Variants in TENM2 observed in about 807,000 individuals in gnomAD.
TENM2 encodes teneurin transmembrane protein 2.
Under a neutral mutation model 245.2 loss-of-function variants are expected in TENM2, and 52 were observed. That is an observed-to-expected ratio of 0.21 (90% confidence interval 0.17 to 0.27). The LOEUF (loss-of-function observed/expected upper bound fraction) is 0.27. Ranked by LOEUF, TENM2 falls within the 10% of genes least tolerant of loss-of-function variation. The pLI, the probability that TENM2 is intolerant of heterozygous loss-of-function variation, is 1.00. For synonymous variants in TENM2, 1,363 were observed against 1,438.9 expected (o/e 0.95, Z 1.19); for missense variants, 3,046 against 3,666.8 (o/e 0.83, Z 4.37).
intron 7 of TENM2, among the ~76,000 whole-genome samples, chr5:168,090,294 CTT>C (rs1210947657): frequency 6.7e-6 from 1 of 149,000 alleles, no homozygotes; most frequent in Admixed American, 6.7e-5. Context: ...AAGAAAAAAA[CTT>C]TGGGTTAAAG....
intron 5 of TENM2, among the ~76,000 whole-genome samples, chr5:168,019,821 C>T (rs1046243431): frequency 2.0e-5 from 3 of 152,112 alleles, no homozygotes; most frequent in East Asian, 3.9e-4. Flanking sequence ...TTTTAATTGC[C>T]ACTGAATGAT....
intron 2 of TENM2, among the ~76,000 whole-genome samples, chr5:167,663,141 G>GGAGAGAGAGAGAGAGAGAGAGAGAGAGA (rs544699415): frequency 9.2e-6 from 1 of 108,478 alleles, no homozygotes; most frequent in Non-Finnish European, 1.9e-5. Context: ...ATGGGGATGG[G>GGAGAGAGAGAGAGAGAGAGAGAGAGAGA]GAGAGAGAGA....
At chr5:167,992,832 T>A (rs1783770385) in intron 4 of TENM2, 112 bp from the exon 7 acceptor site, 3 of 752,614 alleles carry the variant, frequency 4.0e-6, no homozygotes, top group Non-Finnish European at 6.7e-6. Flanking sequence ...CAGGGTAAGC[T>A]TAGTTAACTA....
chr5:167,316,960 C>T (rs1272421077), intron 1 of TENM2, among the ~76,000 whole-genome samples: 1 of 152,148 alleles, frequency 6.6e-6, no homozygotes, highest in Non-Finnish European at 1.5e-5. Context: ...CCCAGCCTTC[C>T]TCTGCACACC....
the TENM2 span, among the ~76,000 whole-genome samples, chr5:167,094,261 T>G: frequency 6.6e-6 from 1 of 152,174 alleles, no homozygotes; most frequent in Non-Finnish European, 1.5e-5. Flanking sequence ...GTGTATACTC[T>G]CATGAAACCA....
intron 2 of TENM2, among the ~76,000 whole-genome samples, chr5:167,405,759 C>CACACAA (rs1487471193): frequency 1.8e-4 from 24 of 129,888 alleles, no homozygotes; most frequent in African/African-American, 7.5e-4. Flanking sequence ...AATTCAAACA[C>CACACAA]ACACACACAA....
chr5:168,138,158 C>G (rs763091224), intron 12 of TENM2, among the ~76,000 whole-genome samples: 4 of 152,244 alleles, frequency 2.6e-5, no homozygotes, highest in Non-Finnish European at 5.9e-5. Context: ...GAATTAAATG[C>G]CTGAGATTTG....
intron 2 of TENM2, among the ~76,000 whole-genome samples, chr5:167,704,876 A>G (rs1758399607): frequency 6.6e-6 from 1 of 152,170 alleles, no homozygotes; most frequent in Non-Finnish European, 1.5e-5. Context: ...CACCTTGGGT[A>G]TAGGAAAAGA....
intron 5 of TENM2, among the ~76,000 whole-genome samples, chr5:168,043,819 A>G (rs1416811028): frequency 1.3e-5 from 2 of 152,240 alleles, no homozygotes; most frequent in Non-Finnish European, 2.9e-5. Flanking sequence ...GTATAAAGAA[A>G]TCTAACCCCT....
rs148111889 is a variant in TENM2, at chr5:167,739,282, G to A, written c.503-136704G>A. ...TTTATTCTACAAAATAAAGGGAATCGGGCTCATGAAGTCACTCAGTGATCC... is the reference window on the plus strand; with the variant it reads ...TTTATTCTACAAAATAAAGGGAATCAGGCTCATGAAGTCACTCAGTGATCC... On this transcript the variant is annotated intron_variant, in intron 2 of 28. Coordinates refer to ENST00000518659, the Ensembl canonical transcript of TENM2. Among the ~76,000 whole-genome samples the A allele has an allele frequency of 1.2e-3, 184 of 152,198 alleles. No individual in the cohort carries two copies. In the East Asian group the frequency reaches 0.015, roughly 13 times the overall value.
At chr5:167,778,307 A>T (rs1198625034) in intron 2 of TENM2, among the ~76,000 whole-genome samples, 1 of 152,174 alleles carries the variant, frequency 6.6e-6, no homozygotes, top group Non-Finnish European at 1.5e-5. Flanking sequence ...AAGAAGAAAA[A>T]GTTTGGCCAA....
chr5:167,870,569 A>ATATATATATATGTG (rs372917707), intron 2 of TENM2, among the ~76,000 whole-genome samples: 4 of 142,446 alleles, frequency 2.8e-5, no homozygotes, highest in Admixed American at 1.4e-4. Context: ...ATATATATAT[A>ATATATATATATGTG]TGTGTGTGTA....
chr5:168,143,558 G>A (rs541707308), intron 12 of TENM2, among the ~76,000 whole-genome samples: 35 of 152,270 alleles, frequency 2.3e-4, no homozygotes, highest in African/African-American at 7.0e-4. Context: ...GTGCCTGGGC[G>A]CAGAACTTTG....
chr5:167,871,587 C>T (rs962919872), intron 2 of TENM2, among the ~76,000 whole-genome samples: 3 of 152,198 alleles, frequency 2.0e-5, no homozygotes, highest in African/African-American at 7.2e-5. Flanking sequence ...CTTACACACA[C>T]ACCCACACAT....
the TENM2 span, among the ~76,000 whole-genome samples, chr5:167,007,258 A>G: frequency 6.6e-6 from 1 of 152,178 alleles, no homozygotes; most frequent in South Asian, 2.1e-4. This position sits in a 1 kb window ranked among gnomAD's most constrained non-coding sequence, Gnocchi z 4.2. Context: ...CAGGATCACA[A>G]ATATAAACAT....
In TENM2 at chr5:167,626,395, A is replaced by T. The variant is rs534584569; in HGVS notation, c.503-249591A>T. Among the ~76,000 whole-genome samples the T allele has an allele frequency of 3.8e-4, 58 of 152,322 alleles. 1 individual carries two copies. The highest frequency in any genetic ancestry group is 1.4e-3 in the African/African-American group (57 of 41,562). On this transcript the variant is annotated intron_variant, in intron 2 of 28. Transcript: ENST00000518659. The stretch of plus-strand genomic sequence containing the variant: ...TGGCTGTTATACTTAATAGAACTAA[A>T]ACCATTGATTGATTGGTGTCATACA...
At chr5:168,023,191 G>T (rs1240134058) in intron 5 of TENM2, among the ~76,000 whole-genome samples, 2 of 152,210 alleles carry the variant, frequency 1.3e-5, no homozygotes, top group African/African-American at 4.8e-5. Context: ...AAACCCTGCT[G>T]CAGAGAGTGT....
At chr5:167,214,507 T>G in the TENM2 span, among the ~76,000 whole-genome samples, 1 of 152,218 alleles carries the variant, frequency 6.6e-6, no homozygotes, top group East Asian at 1.9e-4. Flanking sequence ...CCCCTTTCTT[T>G]TCTTAGCCAG....
intron 2 of TENM2, among the ~76,000 whole-genome samples, chr5:167,744,256 G>C (rs547052930): frequency 2.3e-4 from 35 of 152,190 alleles, no homozygotes; most frequent in Admixed American, 2.2e-3. Flanking sequence ...TCTGGACTAG[G>C]CATCAGGCAG....
Sources: allele counts gnomAD v4.1 joint callset (sites outside exome capture counted in the v4.1 genomes callset), GRCh38; gene constraint gnomAD v4.1.1; non-coding constraint Gnocchi (gnomAD v3.1); transcripts MANE v1.5; gene names NCBI Gene and HGNC (gene_info 2026-07-23, HGNC 2026-07-21).